SLC25A26: variants seen among roughly 807,000 people sequenced by gnomAD.
SLC25A26 encodes the protein mitochondrial S-adenosylmethionine carrier protein.
SLC25A26 carries 36 observed loss-of-function variants against 37.8 expected under a neutral mutation model. The ratio of observed to expected loss-of-function variants is 0.95; its 90% CI spans 0.73 to 1.26. The LOEUF (loss-of-function observed/expected upper bound fraction) is 1.26, where lower values mean the gene tolerates loss of function less well. SLC25A26 is among the 50% of genes most tolerant of loss of function. The pLI is 0.00. For synonymous variants in SLC25A26, 129 were observed against 122.5 expected, an observed-to-expected ratio of 1.05 and a Z score of -0.35; for missense variants, 390 against 331.1, an observed-to-expected ratio of 1.18 and a Z score of -1.38.
intron 5 of SLC25A26, among the ~76,000 whole-genome samples, chr3:66,288,098 T>C (rs530011704): frequency 1.3e-5 from 2 of 152,272 alleles, no homozygotes; most frequent in East Asian, 3.9e-4. Context: ...GCTTCTCCTA[T>C]TTGTGTGTGG....
rs1045220400 is a variant in SLC25A26 at position 66,195,207 on chromosome 3, C to A, written c.-353-25535C>A. On this transcript the variant is annotated intron_variant, in intron 1 of 10. Transcript: ENST00000676754. ...AGAGAGTAGCCTCCGCCCCATACCC[C>A]CTACCCAGAATCTGCAGTGGGCAGG... 6.5e-3 allele frequency among the ~76,000 whole-genome samples: 985 copies of A among 152,340 alleles called. 16 individuals are homozygous for A. The highest frequency in any genetic ancestry group is 0.023 in the African/African-American group (947 of 41,588).
intron 1 of SLC25A26, among the ~76,000 whole-genome samples, chr3:66,211,682 T>G (rs2071285622): frequency 6.6e-6 from 1 of 152,180 alleles, no homozygotes; most frequent in Admixed American, 6.5e-5. Flanking sequence ...GTAAGAACAT[T>G]GCATATGTCA....
chr3:66,324,819 G>A (rs1247356910), intron 5 of SLC25A26, among the ~76,000 whole-genome samples: 1 of 143,946 alleles, frequency 6.9e-6, no homozygotes, highest in East Asian at 2.1e-4. Context: ...GGCTTTTTTT[G>A]CCTTATATTC....
At chr3:66,337,476 A>G (rs1196610668) in intron 5 of SLC25A26, among the ~76,000 whole-genome samples, 3 of 152,136 alleles carry the variant, frequency 2.0e-5, no homozygotes, top group African/African-American at 7.2e-5. Flanking sequence ...TCTCTGCATT[A>G]GAAAGAATGA....
At chr3:66,192,524 C>T (rs936054454) in intron 1 of SLC25A26, among the ~76,000 whole-genome samples, 16 of 152,160 alleles carry the variant, frequency 1.1e-4, no homozygotes, top group Non-Finnish European at 1.5e-4. Flanking sequence ...ACTCAGTCTA[C>T]GGTATTCTGT....
intron 5 of SLC25A26, among the ~76,000 whole-genome samples, chr3:66,275,993 A>G (rs1428617200): frequency 1.3e-5 from 2 of 152,102 alleles, no homozygotes; most frequent in African/African-American, 2.4e-5. Flanking sequence ...AAGAGACTAT[A>G]TATGTAAGAA....
intron 2 of SLC25A26, among the ~76,000 whole-genome samples, chr3:66,240,186 G>T (rs782706073): frequency 6.6e-6 from 1 of 152,168 alleles, no homozygotes; most frequent in East Asian, 1.9e-4. Flanking sequence ...TGGATACTCC[G>T]CAACACCTGA....
chr3:66,226,800 A>G (rs1419815058), intron 1 of SLC25A26, among the ~76,000 whole-genome samples: 1 of 146,650 alleles, frequency 6.8e-6, no homozygotes, highest in African/African-American at 2.4e-5. Flanking sequence ...TTTTTTGTAG[A>G]AAGAGGTGTC....
Position 66,209,323 on chromosome 3 carries a change from CTATA to C in SLC25A26, c.-353-11417_-353-11414del, listed in dbSNP as rs1168325985. 0.016 allele frequency among the ~76,000 whole-genome samples: 2,107 copies of C among 133,918 alleles called. 133 individuals are homozygous for C. In the East Asian group the frequency reaches 0.19, roughly 12 times the overall value. 87.9% of individuals were successfully genotyped at this position (133,918 alleles called of 152,430 possible). A position where few individuals can be genotyped will look rare whatever the true frequency, so the allele number is the denominator to read the frequency against. On this transcript the variant is annotated intron_variant, in intron 1 of 10. Transcript: ENST00000676754. ...TATGTATGTATATATACATATATAT[CTATA>C]TGTATGTATATATACATATGTATAT...
At chr3:66,187,731 C>G (rs984738388) in intron 1 of SLC25A26, among the ~76,000 whole-genome samples, 34,217 of 150,558 alleles carry the variant, frequency 0.23, 4,502 homozygotes, top group South Asian at 0.37. Flanking sequence ...CACCCACACC[C>G]TGACCAACAC....
chr3:66,264,770 G>C (rs1381464851), intron 5 of SLC25A26, among the ~76,000 whole-genome samples: 3 of 152,176 alleles, frequency 2.0e-5, no homozygotes, highest in African/African-American at 7.2e-5. Flanking sequence ...TGTCTCAGAA[G>C]TCTGTATCAG....
chr3:66,148,475 A>T (rs1165245228), intron 1 of SLC25A26, among the ~76,000 whole-genome samples: 3 of 152,112 alleles, frequency 2.0e-5, no homozygotes, highest in Non-Finnish European at 4.4e-5. Context: ...GAGGGGAAGC[A>T]CCCTAGCTTT....
chr3:66,195,430 C>T (rs2071029567), intron 1 of SLC25A26, among the ~76,000 whole-genome samples: 1 of 152,228 alleles, frequency 6.6e-6, no homozygotes, highest in African/African-American at 2.4e-5. Context: ...AACGGCCTGA[C>T]AAGGATTAGG....
intron 1 of SLC25A26, among the ~76,000 whole-genome samples, chr3:66,168,033 A>T (rs1163784482): frequency 1.3e-5 from 2 of 151,844 alleles, no homozygotes; most frequent in African/African-American, 2.4e-5. Flanking sequence ...CATGCCTGTA[A>T]TCCCAGCTAC....
intron 5 of SLC25A26, among the ~76,000 whole-genome samples, chr3:66,324,485 A>G (rs1383136939): frequency 1.3e-5 from 2 of 152,096 alleles, no homozygotes; most frequent in African/African-American, 4.8e-5. Flanking sequence ...GAGGTTAGGA[A>G]TCTTGTGGCC....
At chr3:66,273,944 C>T (rs1056948856) in intron 5 of SLC25A26, among the ~76,000 whole-genome samples, 1 of 152,140 alleles carries the variant, frequency 6.6e-6, no homozygotes, top group Non-Finnish European at 1.5e-5. Flanking sequence ...ATCGCCAAGT[C>T]AGTCCTAAGC....
chr3:66,154,493 C>A (rs2070251356), intron 1 of SLC25A26, among the ~76,000 whole-genome samples: 1 of 151,898 alleles, frequency 6.6e-6, no homozygotes. Flanking sequence ...CAGAAGACTG[C>A]CTTTCAATTC....
chr3:66,162,758 C>T lies in SLC25A26; in HGVS notation c.-354+28774C>T, dbSNP rs143726658. ...GCAGATGCAGTCTCTTGGCTGTCAT[C>T]ACTCATACAGGGACATGAATTGTGG... On this transcript the variant is annotated intron_variant, in intron 1 of 10. Transcript: ENST00000676754. 7.6e-4 allele frequency among the ~76,000 whole-genome samples: 116 copies of T among 152,326 alleles called. 3 individuals are homozygous for T. In the East Asian group the frequency reaches 0.02, roughly 26 times the overall value.
At chr3:66,135,704 G>A (rs963751927) in intron 1 of SLC25A26, among the ~76,000 whole-genome samples, 2 of 152,158 alleles carry the variant, frequency 1.3e-5, no homozygotes, top group Non-Finnish European at 2.9e-5. Context: ...GGGAGGTTGA[G>A]GCTTCAGTGA....
Sources: gnomAD v4.1 joint callset for allele counts (sites outside exome capture counted in the v4.1 genomes callset) on GRCh38, gnomAD v4.1.1 for gene constraint, MANE v1.5 for transcripts, NCBI Gene and HGNC (gene_info 2026-07-23, HGNC 2026-07-21) for gene names.